The following TNN variants were observed in gnomAD, a reference collection of about 807,000 sequenced individuals.
The protein encoded by TNN is tenascin N.
Under a neutral mutation model 134.4 loss-of-function variants are expected in TNN, and 122 were observed. That is an observed-to-expected ratio of 0.91 (90% CI 0.78 to 1.06). The LOEUF is 1.06. TNN is among the 50% of genes least tolerant of loss of function. The pLI is 0.00. For synonymous variants in TNN, 710 were observed against 670.3 expected (o/e 1.06, Z -0.91); for missense variants, 1,739 against 1,699.4 (o/e 1.02, Z -0.41).
chr1:175,078,449 C>T (rs1674106625), intron 2 of TNN, among the ~76,000 whole-genome samples: 1 of 152,144 alleles, frequency 6.6e-6, no homozygotes. Context: ...CCCAACGCAA[C>T]CCCGTCACTT....
chr1:175,146,802 C>T, intron 18 of TNN, 129 bp from the exon 19 acceptor site: 1 of 894,904 alleles, frequency 1.1e-6, no homozygotes, highest in Non-Finnish European at 1.6e-6. Context: ...GTCTCTTTCT[C>T]TCTCCTGAGC....
intron 4 of TNN, 56 bp from the exon 5 acceptor site, chr1:175,083,694 A>T: frequency 6.4e-7 from 1 of 1,554,476 alleles, no homozygotes; most frequent in South Asian, 1.2e-5. Flanking sequence ...CTGTCACAGA[A>T]CCTTGGAACC....
At chr1:175,088,235 C>T (rs1674363961) in intron 6 of TNN, among the ~76,000 whole-genome samples, 1 of 152,082 alleles carries the variant, frequency 6.6e-6, no homozygotes, top group Non-Finnish European at 1.5e-5. Context: ...ATCCTCTAAT[C>T]ACAATGTTGG....
intron 7 of TNN, among the ~76,000 whole-genome samples, chr1:175,095,479 C>A (rs1206042024): frequency 6.6e-6 from 1 of 152,168 alleles, no homozygotes; most frequent in Non-Finnish European, 1.5e-5. Flanking sequence ...TTGTAGATTG[C>A]CCCTCCTGGT....
At position 175,123,421 on chromosome 1, in the gene TNN, T is replaced by C. The variant is rs1675427200; in HGVS notation, c.2672T>C (p.Leu891Pro). ...AAAGAAATTGACGGCCCCAAAAACC[T>C]AGTGACTGACTGGGTGACGGAGAAT... is the stretch of plus-strand genomic sequence containing the variant. ...AQTEIDGPKN[L>P]VTDWVTENMA... The change falls in exon 12 of 19, where the codon CTA (leucine) becomes CCA (proline). Residue 891 changes from leucine to proline, a missense_variant. Leu to Pro is a moderately conservative substitution (Grantham distance 98). Coordinates refer to ENST00000239462, the MANE Select transcript of TNN (RefSeq NM_022093.2). The C allele has an allele frequency of 3.7e-6, 6 of 1,614,030 alleles. No individual in the cohort carries two copies. Among genetic ancestry groups the C allele is most frequent in the African/African-American group, 1.3e-5 (1 of 74,946 alleles).
rs575803370 is a variant in TNN at position 175,128,854 on chromosome 1, C to A, written c.3330+108C>A. On this transcript the variant is annotated intron_variant, in intron 15 of 18. Transcript: ENST00000239462. ...TGTTTGGAGCCCTATTTCTTCTCCACCCATGGAAGAGAGGAGTTTTGGTGG... is the reference window on the plus strand; with the variant it reads ...TGTTTGGAGCCCTATTTCTTCTCCAACCATGGAAGAGAGGAGTTTTGGTGG... 2.8e-5 allele frequency: 36 copies of A among 1,271,642 alleles called. No homozygotes were observed. The African/African-American group carries it at 5.4e-4, about 19-fold the overall frequency. The allele number at this position is 1,271,642 out of a possible 1,614,324, so 78.8% of individuals were successfully genotyped here. A position where few individuals can be genotyped will look rare whatever the true frequency, so the allele number is the denominator to read the frequency against.
chr1:175,105,994 C>T (rs1674842011), intron 9 of TNN, among the ~76,000 whole-genome samples: 1 of 145,806 alleles, frequency 6.9e-6, no homozygotes, highest in African/African-American at 2.5e-5. Flanking sequence ...GACGCAGCAG[C>T]AGAAACACTA....
intron 6 of TNN, among the ~76,000 whole-genome samples, chr1:175,086,580 GT>G (rs889749476): frequency 6.6e-6 from 1 of 152,152 alleles, no homozygotes; most frequent in Non-Finnish European, 1.5e-5. Context: ...TCGTTGAAAA[GT>G]TTTTTAGTTC....
At chr1:175,106,816 C>T (rs1415403036) in intron 9 of TNN, among the ~76,000 whole-genome samples, 2 of 145,756 alleles carry the variant, frequency 1.4e-5, no homozygotes, top group Non-Finnish European at 3.0e-5. Flanking sequence ...AAAGCGGAAG[C>T]TGGTTCTAGG....
chr1:175,079,418 C>A lies in TNN; in HGVS notation c.495C>A (p.Ala165=). Residue 165 remains alanine, a synonymous_variant, in exon 3 of 19, where the codon GCC becomes GCA. Transcript: ENST00000239462. ...GCGAAGAGGGCAGGGAGGGCCCCGC[C>A]TGCGAGCGGCTGGCCTGCCCCGGGG... ...CHCEEGREGP[A]CERLACPGAC... is the part of the protein sequence containing the mutation. The A allele has an allele frequency of 1.3e-6, 2 of 1,587,764 alleles. No homozygotes were observed. The highest frequency in any genetic ancestry group is 1.7e-6 in the Non-Finnish European group (2 of 1,170,690).
At chr1:175,135,157 CT>C (rs1574177407) in intron 15 of TNN, among the ~76,000 whole-genome samples, 3 of 152,288 alleles carry the variant, frequency 2.0e-5, no homozygotes, top group African/African-American at 7.2e-5. Flanking sequence ...CTGTTTTATG[CT>C]CTTACAGTTC....
intron 16 of TNN, 27 bp downstream of exon 16, chr1:175,135,968 G>T: frequency 6.6e-7 from 1 of 1,522,836 alleles, no homozygotes; most frequent in Non-Finnish European, 9.1e-7. Flanking sequence ...CAGGAGGCTG[G>T]GGCTGTGGGG....
At position 175,132,555 on chromosome 1, in the gene TNN, C is replaced by T. The variant is rs547568240; in HGVS notation, c.3331-3290C>T. On this transcript the variant is annotated intron_variant, in intron 15 of 18. Transcript: ENST00000239462. The stretch of plus-strand genomic sequence containing the variant: ...TGTTAGCTGTTTGCCGTGATATTTC[C>T]TACATTCTGTTCAGTAGCTCTTGCC... Among the ~76,000 whole-genome samples the T allele has an allele frequency of 3.3e-5, 5 of 152,340 alleles. No individual in the cohort carries two copies. In the South Asian group the frequency reaches 1.0e-3, roughly 32 times the overall value.
intron 9 of TNN, among the ~76,000 whole-genome samples, chr1:175,115,201 C>T (rs541380956): frequency 3.3e-5 from 5 of 152,258 alleles, no homozygotes; most frequent in African/African-American, 4.8e-5. Flanking sequence ...GGTTGAGGCA[C>T]TGATTCCCCA....
At chr1:175,101,965 C>T (rs532973290) in intron 9 of TNN, among the ~76,000 whole-genome samples, 8 of 139,366 alleles carry the variant, frequency 5.7e-5, no homozygotes, top group South Asian at 5.0e-4. Flanking sequence ...AGGTCCTCCA[C>T]GTCCTCATCA....
intron 1 of TNN, among the ~76,000 whole-genome samples, chr1:175,076,059 T>A (rs1674032174): frequency 6.6e-6 from 1 of 152,190 alleles, no homozygotes; most frequent in Non-Finnish European, 1.5e-5. Context: ...ATGTATCTTG[T>A]GACTGAGGTT....
intron 9 of TNN, among the ~76,000 whole-genome samples, chr1:175,109,628 T>A (rs1674968581): frequency 6.6e-6 from 1 of 150,806 alleles, no homozygotes. Flanking sequence ...TTCCTTTTTA[T>A]GGCTGAATGG....
At position 175,077,688 on chromosome 1, in the gene TNN, C is replaced by T; in HGVS notation, c.270C>T (p.Ile90=). 6.2e-7 allele frequency: 1 copy of T among 1,614,252 alleles called. No individual in the cohort carries two copies. Among genetic ancestry groups the T allele is most frequent in the Non-Finnish European group, 8.5e-7 (1 of 1,180,046 alleles). ...EEQNIIFRHN[I]RLQTPQKDCE... is the part of the protein sequence containing the mutation. ...AGAACATCATCTTCAGGCACAACAT[C>T]CGCCTTCAGACGCCACAGAAGGACT... Residue 90 remains isoleucine, a synonymous_variant, in exon 2 of 19, where the codon ATC becomes ATT. Transcript: ENST00000239462.
At chr1:175,145,709 C>T (rs1326979351) in intron 18 of TNN, among the ~76,000 whole-genome samples, 3 of 151,962 alleles carry the variant, frequency 2.0e-5, no homozygotes, top group Non-Finnish European at 4.4e-5. Flanking sequence ...GGAGTGTGCG[C>T]CCAGGGCCCA....
Sources: gnomAD v4.1 joint callset for allele counts (sites outside exome capture counted in the v4.1 genomes callset) on GRCh38, gnomAD v4.1.1 for gene constraint, MANE v1.5 for transcripts, NCBI Gene and HGNC (gene_info 2026-07-23, HGNC 2026-07-21) for gene names.